The following DLGAP2 variants were observed in gnomAD, a reference collection of about 807,000 sequenced individuals.
DLGAP2 encodes the protein disks large-associated protein 2.
A neutral mutation model predicts 100.3 loss-of-function variants in DLGAP2; 26 were observed. That is an observed-to-expected ratio of 0.26 (90% CI 0.19 to 0.36). The LOEUF (loss-of-function observed/expected upper bound fraction) is 0.36. Among genes scored for constraint, DLGAP2 ranks in the 10% least tolerant of loss-of-function variants. DLGAP2 has a pLI of 1.00. For missense variants in DLGAP2, 1,858 were observed against 1,453.2 expected, an observed-to-expected ratio of 1.28 and a Z score of -4.53; for synonymous variants, 886 against 630.1, an observed-to-expected ratio of 1.41 and a Z score of -6.08.
chr8:1,036,215 G>A (rs1225933797), intron 2 of DLGAP2, among the ~76,000 whole-genome samples: 3 of 151,766 alleles, frequency 2.0e-5, no homozygotes, highest in Non-Finnish European at 4.4e-5. Flanking sequence ...GCCTCATCCC[G>A]ACCCCGCGTG....
intron 2 of DLGAP2, among the ~76,000 whole-genome samples, chr8:1,024,871 C>T (rs1249945417): frequency 4.6e-5 from 7 of 152,160 alleles, no homozygotes; most frequent in Admixed American, 4.6e-4. Context: ...CCAACTGCAG[C>T]CCTTGATCCT....
intron 4 of DLGAP2, among the ~76,000 whole-genome samples, chr8:1,539,078 G>T (rs904681998): frequency 2.6e-5 from 4 of 152,044 alleles, no homozygotes; most frequent in African/African-American, 9.7e-5. Flanking sequence ...TAGAGATGGG[G>T]TTTCACCGTG....
At chr8:1,000,119 C>G (rs556538915) in intron 2 of DLGAP2, among the ~76,000 whole-genome samples, 2 of 147,290 alleles carry the variant, frequency 1.4e-5, no homozygotes, top group African/African-American at 2.5e-5. Context: ...CTAGAGCAGA[C>G]AGATCCGGGT....
chr8:1,514,832 C>A (rs570710641), intron 4 of DLGAP2, among the ~76,000 whole-genome samples: 1 of 152,222 alleles, frequency 6.6e-6, no homozygotes, highest in Non-Finnish European at 1.5e-5. Flanking sequence ...GAGGGTGGCG[C>A]TCAGCGTGAT....
intron 2 of DLGAP2, among the ~76,000 whole-genome samples, chr8:984,659 A>G (rs535054272): frequency 3.3e-4 from 51 of 152,346 alleles, no homozygotes; most frequent in African/African-American, 1.2e-3. Context: ...CCTCCCAGTC[A>G]ATACGCCGAC....
intron 1 of DLGAP2, among the ~76,000 whole-genome samples, chr8:840,714 G>T (rs983099909): frequency 2.1e-5 from 3 of 146,028 alleles, no homozygotes; most frequent in Admixed American, 1.4e-4. Flanking sequence ...TCTGGATTCT[G>T]TGAGTGCATT....
At chr8:1,221,096 T>A (rs911243787) in intron 2 of DLGAP2, among the ~76,000 whole-genome samples, 1 of 152,224 alleles carries the variant, frequency 6.6e-6, no homozygotes, top group Non-Finnish European at 1.5e-5. Flanking sequence ...TTAGCCTGTT[T>A]ATATTGAAGG....
At chr8:1,197,725 C>A (rs58895867) in intron 2 of DLGAP2, among the ~76,000 whole-genome samples, 1 of 151,222 alleles carries the variant, frequency 6.6e-6, no homozygotes, top group Non-Finnish European at 1.5e-5. Flanking sequence ...GGGCCACCAG[C>A]TGTCCATATA....
chr8:1,606,009 A>C (rs960213005), intron 6 of DLGAP2, among the ~76,000 whole-genome samples: 1 of 152,218 alleles, frequency 6.6e-6, no homozygotes, highest in African/African-American at 2.4e-5. Flanking sequence ...GCAGAGAATC[A>C]TAACCAGCAC....
At chr8:926,736 C>A (rs1236892161) in intron 2 of DLGAP2, among the ~76,000 whole-genome samples, 1 of 152,224 alleles carries the variant, frequency 6.6e-6, no homozygotes, top group African/African-American at 2.4e-5. Flanking sequence ...TGGAGCTAAA[C>A]TGAGTGAGCC....
rs535240907 is a variant in DLGAP2 at position 1,022,495 on chromosome 8, C to T, written c.73+114529C>T. Among the ~76,000 whole-genome samples, 238 of 147,550 alleles carry T rather than the reference C, an allele frequency of 1.6e-3. 1 individual carries two copies. Among genetic ancestry groups the T allele is most frequent in the Non-Finnish European group, 2.7e-3 (183 of 67,014 alleles). ...GCCATCCATCCTCCCTGGGATTGGA[C>T]GGTCCCATGCCGAGGTAGACACTCC... On this transcript the variant is annotated intron_variant, in intron 2 of 14. Transcript: ENST00000637795.
chr8:1,588,171 C>T lies in DLGAP2; in HGVS notation c.1442+22277C>T, dbSNP rs758938748. 4.6e-5 allele frequency among the ~76,000 whole-genome samples: 7 copies of T among 152,232 alleles called. No homozygotes were observed. The East Asian group carries it at 9.6e-4, about 21-fold the overall frequency. On this transcript the variant is annotated intron_variant, in intron 6 of 14. Coordinates refer to ENST00000637795, the MANE Select transcript of DLGAP2 (RefSeq NM_001346810.2). ...TTCAGAATGTCTAACAGCAGCAGCACGGATAGTTCAGCTAAATACTTCTGT... is the reference window on the plus strand; with the variant it reads ...TTCAGAATGTCTAACAGCAGCAGCATGGATAGTTCAGCTAAATACTTCTGT...
intron 2 of DLGAP2, among the ~76,000 whole-genome samples, chr8:1,201,003 C>A (rs1041822640): frequency 6.6e-6 from 1 of 152,178 alleles, no homozygotes; most frequent in African/African-American, 2.4e-5. Context: ...GCTGTCTCCC[C>A]GGACCCCACC....
intron 4 of DLGAP2, among the ~76,000 whole-genome samples, chr8:1,514,691 A>G (rs969225201): frequency 1.8e-4 from 27 of 152,112 alleles, no homozygotes; most frequent in Non-Finnish European, 7.4e-5. Context: ...AAAGGAGGGG[A>G]CAGCACGTGA....
chr8:925,057 G>C (rs1306894917), intron 2 of DLGAP2, among the ~76,000 whole-genome samples: 1 of 152,164 alleles, frequency 6.6e-6, no homozygotes, highest in Non-Finnish European at 1.5e-5. Flanking sequence ...GTTGATAATG[G>C]TTAAAGTGTA....
intron 3 of DLGAP2, among the ~76,000 whole-genome samples, chr8:1,436,372 C>A (rs1038298422): frequency 6.6e-6 from 1 of 152,208 alleles, no homozygotes; most frequent in Non-Finnish European, 1.5e-5. Flanking sequence ...CTGGAAGACT[C>A]AGCCAGTCCA....
intron 4 of DLGAP2, among the ~76,000 whole-genome samples, chr8:1,522,161 C>A (rs985692880): frequency 5.3e-5 from 8 of 152,292 alleles, no homozygotes; most frequent in Non-Finnish European, 8.8e-5. Flanking sequence ...CTTTGGTTTC[C>A]ACGCTTGGCA....
rs184882354 is a variant in DLGAP2, at chr8:1,490,419, C to T, written c.107-10947C>T. Among the ~76,000 whole-genome samples the T allele has an allele frequency of 2.5e-3, 380 of 152,248 alleles. 2 individuals carry two copies. The highest frequency in any genetic ancestry group is 6.6e-3 in the Admixed American group (101 of 15,296). ...ATACGTCAGCTAAAGAAGTTAAGAG[C>T]GTTTCAAAGTGAATATTTTTTTATG... On this transcript the variant is annotated intron_variant, in intron 3 of 14. Transcript: ENST00000637795.
chr8:1,112,529 C>T (rs545773973), intron 2 of DLGAP2, among the ~76,000 whole-genome samples: 8 of 152,194 alleles, frequency 5.3e-5, no homozygotes, highest in South Asian at 2.1e-4. Context: ...CGTGAGCCAC[C>T]GCGCCCGGGC....
Sources: gnomAD v4.1 joint callset for allele counts (sites outside exome capture counted in the v4.1 genomes callset) on GRCh38, gnomAD v4.1.1 for gene constraint, MANE v1.5 for transcripts, NCBI Gene and HGNC (gene_info 2026-07-23, HGNC 2026-07-21) for gene names.